The following PTGER3 variants were observed in gnomAD, a reference collection of about 807,000 sequenced individuals.
The protein encoded by PTGER3 is prostaglandin E receptor 3.
PTGER3 carries 22 observed loss-of-function variants against 34.7 expected under a neutral mutation model. The ratio of observed to expected loss-of-function variants is 0.63; its 90% CI spans 0.45 to 0.91. The LOEUF (loss-of-function observed/expected upper bound fraction) is 0.91. Among genes scored for constraint, PTGER3 ranks in the 40% least tolerant of loss-of-function variants. The probability of loss-of-function intolerance (pLI) is 0.00; values close to 1 mark genes in which losing one functional copy is unlikely to be tolerated. For synonymous variants in PTGER3, 241 were observed against 230.1 expected (o/e 1.05, Z -0.43); for missense variants, 468 against 519.4 (o/e 0.90, Z 0.96).
At chr1:70,972,795 T>C (rs562060373) in intron 3 of PTGER3, among the ~76,000 whole-genome samples, 1 of 152,112 alleles carries the variant, frequency 6.6e-6, no homozygotes, top group Admixed American at 6.6e-5. Context: ...TTAACATAAG[T>C]ATGTAAAACA....
At chr1:71,018,137 A>G (rs1257466823) in intron 1 of PTGER3, among the ~76,000 whole-genome samples, 3 of 152,194 alleles carry the variant, frequency 2.0e-5, no homozygotes, top group African/African-American at 7.2e-5. Context: ...TTGCTACAGC[A>G]GCAGTAGAAA....
intron 4 of PTGER3, among the ~76,000 whole-genome samples, chr1:70,924,221 A>AT (rs1196810702): frequency 6.6e-6 from 1 of 152,150 alleles, no homozygotes; most frequent in East Asian, 1.9e-4. Flanking sequence ...CATTGAAGCC[A>AT]TTTTTTAAAA....
At chr1:70,852,927 C>A in intron 4 of PTGER3, 2 of 1,514,612 alleles carry the variant, frequency 1.3e-6, no homozygotes, top group South Asian at 1.1e-5. Flanking sequence ...AAATAAAAAT[C>A]AAAGGCAATA....
downstream of PTGER3, chr1:70,951,185 T>C (rs529811790): frequency 3.9e-4 from 59 of 152,340 alleles, no homozygotes; most frequent in African/African-American, 1.3e-3. Flanking sequence ...ATAACTACTT[T>C]CTGCATTTTT....
At chr1:70,983,759 G>A (rs762225310) in intron 2 of PTGER3, among the ~76,000 whole-genome samples, 1 of 92,854 alleles carries the variant, frequency 1.1e-5, no homozygotes, top group Non-Finnish European at 2.4e-5. Flanking sequence ...AACAATTATT[G>A]GTATCAAAAA....
At chr1:70,930,276 T>C (rs2100492923) in intron 4 of PTGER3, among the ~76,000 whole-genome samples, 1 of 152,342 alleles carries the variant, frequency 6.6e-6, no homozygotes, top group East Asian at 1.9e-4. Context: ...GTGGCAGGGC[T>C]GTCACCCTGT....
intron 4 of PTGER3, among the ~76,000 whole-genome samples, chr1:70,869,963 C>G (rs1429875923): frequency 6.6e-6 from 1 of 152,208 alleles, no homozygotes; most frequent in African/African-American, 2.4e-5. Context: ...AGGCAATGCC[C>G]TGGTGGGGAT....
chr1:70,928,441 T>A (rs1016433248), intron 4 of PTGER3, among the ~76,000 whole-genome samples: 33 of 151,840 alleles, frequency 2.2e-4, no homozygotes, highest in South Asian at 4.1e-4. Flanking sequence ...GAGACCAGCA[T>A]GGGCAATATA....
intron 2 of PTGER3, among the ~76,000 whole-genome samples, chr1:70,996,635 G>C (rs1357337251): frequency 2.6e-5 from 1 of 38,860 alleles, no homozygotes; most frequent in Non-Finnish European, 4.7e-5. Flanking sequence ...TAATTTTTTT[G>C]TATTTTTATT....
chr1:70,981,379 CTTTCT>C (rs1427366471), intron 2 of PTGER3, among the ~76,000 whole-genome samples: 233 of 91,492 alleles, frequency 2.5e-3, no homozygotes, highest in Middle Eastern at 5.2e-3. Flanking sequence ...TTCTTTCTTT[CTTTCT>C]TTCTTTCTTT....
At chr1:70,944,687 A>G (rs1048744898) in intron 4 of PTGER3, among the ~76,000 whole-genome samples, 1 of 152,120 alleles carries the variant, frequency 6.6e-6, no homozygotes, top group African/African-American at 2.4e-5. Context: ...TGTATCTGAA[A>G]TAAGTGGATG....
At chr1:71,005,246 C>G (rs1347854754) in intron 2 of PTGER3, among the ~76,000 whole-genome samples, 1 of 152,234 alleles carries the variant, frequency 6.6e-6, no homozygotes, top group East Asian at 1.9e-4. Flanking sequence ...TTTGATGACC[C>G]TGAGAGGTTA....
At chr1:71,006,155 ACT>A (rs886079774) in intron 2 of PTGER3, 8 of 983,034 alleles carry the variant, frequency 8.1e-6, no homozygotes, top group African/African-American at 1.7e-5. Flanking sequence ...CTTTAACAAA[ACT>A]CTGCCTATCC....
At chr1:70,882,038 G>T (rs1646401797) in intron 4 of PTGER3, among the ~76,000 whole-genome samples, 1 of 152,128 alleles carries the variant, frequency 6.6e-6, no homozygotes, top group Non-Finnish European at 1.5e-5. Context: ...CCTGTGAATT[G>T]GAAACTCTGG....
chr1:70,852,818 A>G (rs1645710315), exon 5 of PTGER3: 1 of 1,613,026 alleles, frequency 6.2e-7, no homozygotes, highest in Non-Finnish European at 8.5e-7. Flanking sequence ...CAGTGATGTG[A>G]TCCTGGCAGA....
At chr1:70,915,753 G>A (rs950409625) in intron 4 of PTGER3, among the ~76,000 whole-genome samples, 1 of 151,944 alleles carries the variant, frequency 6.6e-6, no homozygotes, top group African/African-American at 2.4e-5. Context: ...GAGATTAGAT[G>A]ATTGTAGATG....
Position 71,047,156 on chromosome 1 carries a change from C to A in PTGER3, c.422G>T (p.Gly141Val). The change falls in exon 1 of 4, where the codon GGG becomes GTG. Residue 141 changes from glycine (G) to valine (V), a missense_variant. Physicochemically the swap from Gly to Val is moderately radical, Grantham distance 109. Transcript: ENST00000306666. ...TFFGLTMTVFGLSSLFIASAM... is the reference protein window; with the variant it reads ...TFFGLTMTVFVLSSLFIASAM... ...GCTGGCGATGAACAACGAGGAGAGC[C>A]CGAAAACAGTCATGGTCAGCCCGAA... The A allele has an allele frequency of 6.2e-7, 1 of 1,600,944 alleles. No homozygotes were observed. Among genetic ancestry groups the A allele is most frequent in the Non-Finnish European group, 8.5e-7 (1 of 1,174,012 alleles).
intron 1 of PTGER3, among the ~76,000 whole-genome samples, chr1:71,037,241 T>A (rs986130746): frequency 6.6e-5 from 10 of 152,238 alleles, no homozygotes; most frequent in African/African-American, 2.2e-4. Flanking sequence ...ACTGATTATC[T>A]ACTGTCTGTC....
chr1:71,037,327 C>T (rs1042449071), intron 1 of PTGER3, among the ~76,000 whole-genome samples: 1 of 152,190 alleles, frequency 6.6e-6, no homozygotes, highest in Non-Finnish European at 1.5e-5. Flanking sequence ...CCACGTAGAG[C>T]TGCACAGATT....
Sources: gnomAD v4.1 joint callset for allele counts (sites outside exome capture counted in the v4.1 genomes callset) on GRCh38, gnomAD v4.1.1 for gene constraint, MANE v1.5 for transcripts, NCBI Gene and HGNC (gene_info 2026-07-23, HGNC 2026-07-21) for gene names.